The following ATP11C variants were observed in gnomAD, a reference collection of about 807,000 sequenced individuals.
ATP11C encodes ATPase phospholipid transporting 11C (ATP11C blood group), also known as phospholipid-transporting ATPase IG.
ATP11C carries 36 observed loss-of-function variants against 97.4 expected under a neutral mutation model. The ratio of observed to expected loss-of-function variants is 0.37; its 90% CI spans 0.28 to 0.49. ATP11C has a LOEUF of 0.49. Among genes scored for constraint, ATP11C ranks in the 20% least tolerant of loss-of-function variants. ATP11C has a pLI of 0.98. For synonymous variants in ATP11C, 275 were observed against 290.9 expected, an observed-to-expected ratio of 0.95 and a Z score of 0.56; for missense variants, 730 against 824.6, an observed-to-expected ratio of 0.89 and a Z score of 1.40.
Position 139,789,365 on chromosome X carries a change from T to C in ATP11C, c.1330A>G (p.Thr444Ala). Residue 444 changes from threonine (T) to alanine (A), a missense_variant, in exon 13 of 30, where the codon ACT (threonine) becomes GCT (alanine). By Grantham distance (58) the Thr-to-Ala change is moderately conservative. Transcript: ENST00000682941. The stretch of plus-strand genomic sequence containing the variant: ...TCAAAATATGTTAAAGTTCCATCAG[T>C]TTGAGATAATCCATCAACCTCTTGA... ...VTQEVDGLSQ[T>A]DGTLTYFDKV... 8.3e-7 allele frequency: 1 copy of C among 1,206,440 alleles called. No homozygotes were observed. The highest frequency in any genetic ancestry group is 1.1e-6 in the Non-Finnish European group (1 of 892,558).
At chrX:139,819,214 G>A (rs1044129952) in intron 3 of ATP11C, 124 bp downstream of exon 3, 6 of 299,745 alleles carry the variant, frequency 2.0e-5, no homozygotes, top group Non-Finnish European at 3.6e-5. Flanking sequence ...ACTTTAAGAA[G>A]TCATAATAAG....
intron 1 of ATP11C, among the ~76,000 whole-genome samples, chrX:139,841,148 T>C (rs1321905132): frequency 8.9e-6 from 1 of 112,729 alleles, no homozygotes; most frequent in Admixed American, 9.4e-5. Context: ...AGATATTATT[T>C]ATTTATACAG....
At chrX:139,808,098 A>G (rs1315584935) in intron 5 of ATP11C, among the ~76,000 whole-genome samples, 1 of 112,218 alleles carries the variant, frequency 8.9e-6, no homozygotes, top group African/African-American at 3.2e-5. Context: ...CCATGTTATC[A>G]GAGATGAAGA....
At chrX:139,865,748 G>A (rs999266114) in intron 1 of ATP11C, among the ~76,000 whole-genome samples, 3 of 110,555 alleles carry the variant, frequency 2.7e-5, no homozygotes, top group African/African-American at 6.6e-5. Flanking sequence ...GTGACAGAGC[G>A]AGACCCTGTC....
At chrX:139,872,692 C>G (rs1001410875) in intron 1 of ATP11C, among the ~76,000 whole-genome samples, 3 of 111,153 alleles carry the variant, frequency 2.7e-5, no homozygotes, top group Non-Finnish European at 5.6e-5. Context: ...ATATTAGTAA[C>G]CTGTAGGCAA....
At chrX:139,897,670 CAAA>C (rs750202200) in intron 1 of ATP11C, among the ~76,000 whole-genome samples, 2 of 77,127 alleles carry the variant, frequency 2.6e-5, no homozygotes. Context: ...GACTCTGTCT[CAAA>C]AAAAAAAAAA....
intron 5 of ATP11C, among the ~76,000 whole-genome samples, chrX:139,804,969 C>T (rs2083009804): frequency 8.9e-6 from 1 of 111,976 alleles, no homozygotes; most frequent in Non-Finnish European, 1.9e-5. Flanking sequence ...TTCATGAACA[C>T]TGAACAGCCA....
At chrX:139,777,716 T>C (rs1311840556) in intron 18 of ATP11C, among the ~76,000 whole-genome samples, 1 of 110,401 alleles carries the variant, frequency 9.1e-6, no homozygotes. Context: ...AGGCATATAG[T>C]CATCAGACTA....
chrX:139,887,970 C>CAAA (rs751646437), intron 1 of ATP11C, among the ~76,000 whole-genome samples: 1 of 45,566 alleles, frequency 2.2e-5, no homozygotes, highest in Non-Finnish European at 4.0e-5. Context: ...GACTCCGTCT[C>CAAA]AAAAAAAAAA....
chrX:139,914,013 T>C (rs2085117595), intron 1 of ATP11C, among the ~76,000 whole-genome samples: 1 of 110,859 alleles, frequency 9.0e-6, no homozygotes, highest in South Asian at 3.8e-4. Context: ...CAACAGAAAA[T>C]AGTCAAAAGA....
Position 139,859,586 on chromosome X carries a change from T to C in ATP11C, c.28-32763A>G, listed in dbSNP as rs564990414. On this transcript the variant is annotated intron_variant, in intron 1 of 29. Coordinates refer to ENST00000682941, the MANE Select transcript of ATP11C (RefSeq NM_001353812.2). Reference sequence around the variant, plus strand: ...AAGTATTCCTACAACTAGACAAATATTGCAACCTTAATGTGTTACCAGAAG... The same window carrying C: ...AAGTATTCCTACAACTAGACAAATACTGCAACCTTAATGTGTTACCAGAAG... Among the ~76,000 whole-genome samples the C allele has an allele frequency of 1.4e-4, 16 of 112,013 alleles. No individual in the cohort carries two copies. The South Asian group carries it at 4.9e-3, about 34-fold the overall frequency.
chrX:139,837,168 G>GT (rs1277251691), intron 1 of ATP11C, among the ~76,000 whole-genome samples: 1 of 111,840 alleles, frequency 8.9e-6, no homozygotes, highest in East Asian at 2.8e-4. Context: ...CAAAACAAAT[G>GT]TTTTTTACCA....
At chrX:139,893,189 C>T (rs776434277) in intron 1 of ATP11C, among the ~76,000 whole-genome samples, 2 of 111,396 alleles carry the variant, frequency 1.8e-5, no homozygotes, top group Non-Finnish European at 3.8e-5. Flanking sequence ...CAGAAGCGTG[C>T]CACCAAGCCT....
chrX:139,862,394 T>C (rs2147992606), intron 1 of ATP11C, among the ~76,000 whole-genome samples: 1 of 111,902 alleles, frequency 8.9e-6, no homozygotes, highest in African/African-American at 3.2e-5. Flanking sequence ...GACTTGGAAC[T>C]GGTGCCTGGG....
chrX:139,782,730 T>C lies in ATP11C; in HGVS notation c.1771-2A>G. 1 of 1,159,262 alleles carries C rather than the reference T, an allele frequency of 8.6e-7. No individual in the cohort carries two copies. Among genetic ancestry groups the C allele is most frequent in the Non-Finnish European group, 1.2e-6 (1 of 861,408 alleles). On this transcript the variant is annotated splice_acceptor_variant, in intron 17 of 29. Transcript: ENST00000682941. LOFTEE classifies it high-confidence loss of function. ...TACACAGAGTGTCCGATACCCATCC[T>C]AGGAGTAAAGTAGGAGATCTGTAGT...
At chrX:139,803,664 A>G (rs1449785988) in intron 6 of ATP11C, among the ~76,000 whole-genome samples, 1 of 91,767 alleles carries the variant, frequency 1.1e-5, no homozygotes, top group Non-Finnish European at 2.2e-5. Flanking sequence ...TAAAGCAAAC[A>G]TTTTCCAAAC....
intron 1 of ATP11C, among the ~76,000 whole-genome samples, chrX:139,900,049 G>C (rs1460076176): frequency 9.2e-6 from 1 of 108,807 alleles, no homozygotes; most frequent in Non-Finnish European, 1.9e-5. Context: ...CCTGGAGCCT[G>C]AACAGCCAAG....
chrX:139,737,821 G>A, intron 28 of ATP11C, 95 bp downstream of exon 28: 1 of 875,917 alleles, frequency 1.1e-6, no homozygotes. Context: ...TTAACATGCT[G>A]TAACTAATGT....
At chrX:139,808,028 C>T (rs962450821) in intron 5 of ATP11C, among the ~76,000 whole-genome samples, 2 of 105,759 alleles carry the variant, frequency 1.9e-5, no homozygotes, top group Non-Finnish European at 1.9e-5. Flanking sequence ...TAACAGTGAA[C>T]GAAGAATGCT....
Sources: allele counts gnomAD v4.1 joint callset (sites outside exome capture counted in the v4.1 genomes callset), GRCh38; gene constraint gnomAD v4.1.1; transcripts MANE v1.5; gene names NCBI Gene and HGNC (gene_info 2026-07-23, HGNC 2026-07-21).